Variants in CERK observed in about 807,000 individuals in gnomAD.
CERK encodes the protein ceramide kinase.
In CERK, 39 loss-of-function variants were observed where a neutral mutation model predicts 63.4. That is an observed-to-expected ratio of 0.61 (90% confidence interval 0.48 to 0.80). The LOEUF is 0.80. CERK is among the 30% of genes least tolerant of loss of function. The probability of loss-of-function intolerance (pLI) is 0.00; values close to 1 mark genes in which losing one functional copy is unlikely to be tolerated. For synonymous variants in CERK, 302 were observed against 280.0 expected, an observed-to-expected ratio of 1.08 and a Z score of -0.78; for missense variants, 670 against 714.1, an observed-to-expected ratio of 0.94 and a Z score of 0.70.
intron 3 of CERK, among the ~76,000 whole-genome samples, chr22:46,713,508 C>CAAAAAAAAAA (rs34168827): frequency 8.1e-5 from 6 of 74,226 alleles, no homozygotes; most frequent in South Asian, 6.7e-4. Context: ...GACTTCATCT[C>CAAAAAAAAAA]AAAAAAAAAA....
chr22:46,724,397 C>A (rs1007863706), intron 1 of CERK, among the ~76,000 whole-genome samples: 2 of 152,148 alleles, frequency 1.3e-5, no homozygotes, highest in East Asian at 1.9e-4. Flanking sequence ...CTGTGTGGGG[C>A]TGGGGCGCTA....
intron 6 of CERK, among the ~76,000 whole-genome samples, chr22:46,704,596 G>A (rs1304328752): frequency 6.6e-6 from 1 of 152,154 alleles, no homozygotes; most frequent in African/African-American, 2.4e-5. Flanking sequence ...GGAGGCCGAG[G>A]TGGGCAGATC....
chr22:46,705,925 T>A (rs2082810589), intron 6 of CERK, among the ~76,000 whole-genome samples: 1 of 151,910 alleles, frequency 6.6e-6, no homozygotes. Flanking sequence ...TGGTCCCAGC[T>A]ACTTGGGAGG....
chr22:46,731,375 G>A (rs543822880), intron 1 of CERK, among the ~76,000 whole-genome samples: 28 of 152,334 alleles, frequency 1.8e-4, no homozygotes, highest in Non-Finnish European at 8.8e-5. Flanking sequence ...CCTTAGCAGA[G>A]GCCTGGCGGG....
At chr22:46,690,836 T>A (rs2082726526) in intron 11 of CERK, among the ~76,000 whole-genome samples, 1 of 152,178 alleles carries the variant, frequency 6.6e-6, no homozygotes, top group African/African-American at 2.4e-5. Flanking sequence ...CTTACATCTT[T>A]ACTGTGTCGC....
intron 8 of CERK, among the ~76,000 whole-genome samples, chr22:46,696,293 C>T (rs1275174590): frequency 3.3e-5 from 5 of 152,218 alleles, no homozygotes; most frequent in African/African-American, 4.8e-5. Flanking sequence ...ATGCACTCAG[C>T]GGGCGGGCCC....
intron 6 of CERK, among the ~76,000 whole-genome samples, chr22:46,703,609 G>A (rs903389329): frequency 4.6e-5 from 7 of 152,146 alleles, no homozygotes; most frequent in African/African-American, 7.2e-5. Flanking sequence ...CACTCAAGGC[G>A]ATGCTGCGGA....
chr22:46,712,177 C>T lies in CERK; in HGVS notation c.496G>A (p.Asp166Asn). ...PLFTLASITT[D>N]IIVTEHANQA... ...ACATAGAATTTGTTACCGATGATGT[C>T]AGTGGTGATGGAGGCTAAGGTGAAC... Residue 166 changes from aspartate to asparagine, a missense_variant, in exon 4 of 13, where the codon GAC becomes AAC. Asp to Asn is a conservative substitution (Grantham distance 23). Transcript: ENST00000216264. The T allele has an allele frequency of 6.2e-7, 1 of 1,614,156 alleles. No individual in the cohort carries two copies. The highest frequency in any genetic ancestry group is 8.5e-7 in the Non-Finnish European group (1 of 1,180,010).
At chr22:46,713,608 C>T (rs953971906) in intron 3 of CERK, among the ~76,000 whole-genome samples, 1 of 151,686 alleles carries the variant, frequency 6.6e-6, no homozygotes, top group Non-Finnish European at 1.5e-5. Flanking sequence ...ACAGCCTGAA[C>T]GCCCATCACC....
intron 1 of CERK, among the ~76,000 whole-genome samples, chr22:46,729,416 A>T (rs986957300): frequency 2.0e-5 from 3 of 151,930 alleles, no homozygotes; most frequent in African/African-American, 4.8e-5. Context: ...TTTTTTATTA[A>T]TTTTTTTTAA....
chr22:46,707,067 C>T (rs1321773529), intron 6 of CERK, among the ~76,000 whole-genome samples: 2 of 152,090 alleles, frequency 1.3e-5, no homozygotes, highest in East Asian at 3.9e-4. Context: ...TCGCTCCCAT[C>T]CGGTGACCTG....
At chr22:46,702,646 G>C (rs2082793025) in intron 6 of CERK, among the ~76,000 whole-genome samples, 1 of 152,244 alleles carries the variant, frequency 6.6e-6, no homozygotes, top group Non-Finnish European at 1.5e-5. Context: ...CATTACTTGA[G>C]ATCTTAATAC....
chr22:46,699,483 C>T lies in CERK; in HGVS notation c.791-18G>A, dbSNP rs375716499. The T allele has an allele frequency of 2.2e-4, 352 of 1,612,954 alleles. No individual in the cohort carries two copies. In the African/African-American group the frequency reaches 2.7e-3, roughly 12 times the overall value. On this transcript the variant is annotated intron_variant, in intron 7 of 12. Coordinates refer to ENST00000216264, the MANE Select transcript of CERK (RefSeq NM_022766.6). ...CGAGTCCCCTGTGGGAGAGAACGGC[C>T]GTGAGGGAAGGCAGCCCCCCTCCAG...
In CERK at chr22:46,691,718, T is replaced by C. The variant is rs1458783856; in HGVS notation, c.1186A>G (p.Met396Val). The C allele has an allele frequency of 6.2e-7, 1 of 1,613,696 alleles. No homozygotes were observed. The highest frequency in any genetic ancestry group is 8.5e-7 in the Non-Finnish European group (1 of 1,179,694). Residue 396 changes from methionine (M) to valine (V), a missense_variant, in exon 11 of 13, where the codon ATG (methionine) becomes GTG (valine). Coordinates refer to ENST00000216264, the MANE Select transcript of CERK (RefSeq NM_022766.6). ...GKFLAINATNMSCACRRSPRG... is the reference protein window; with the variant it reads ...GKFLAINATNVSCACRRSPRG... ...GGGCTCCGGCGACAAGCACAGGACA[T>C]GTTTGTGGCATTGATGGCCAGAAAC...
chr22:46,713,424 G>A (rs547307124), intron 3 of CERK, among the ~76,000 whole-genome samples: 5 of 146,460 alleles, frequency 3.4e-5, no homozygotes, highest in Admixed American at 2.9e-4. Flanking sequence ...CAGGAGAATG[G>A]CATGAACCCG....
At chr22:46,721,355 C>T (rs1026148570) in intron 1 of CERK, among the ~76,000 whole-genome samples, 1 of 152,126 alleles carries the variant, frequency 6.6e-6, no homozygotes, top group East Asian at 1.9e-4. Context: ...TGCAGTGGTT[C>T]GATCTCGGCT....
At chr22:46,695,154 C>T (rs758067862) in intron 9 of CERK, 56 bp downstream of exon 9, 53 of 931,366 alleles carry the variant, frequency 5.7e-5, no homozygotes, top group Admixed American at 2.1e-4. Context: ...CCTTCCTAAC[C>T]GTCCTGCTTC....
chr22:46,688,467 G>A (rs1002071897), intron 12 of CERK, among the ~76,000 whole-genome samples: 4 of 152,232 alleles, frequency 2.6e-5, no homozygotes, highest in African/African-American at 7.2e-5. Context: ...TGGGGTGGCC[G>A]GTGTTCCTGG....
At chr22:46,715,480 G>A (rs1243408704) in intron 3 of CERK, among the ~76,000 whole-genome samples, 1 of 152,162 alleles carries the variant, frequency 6.6e-6, no homozygotes, top group African/African-American at 2.4e-5. Flanking sequence ...TAGGGAAAAC[G>A]AGACTTTCCC....
Sources: allele counts gnomAD v4.1 joint callset (sites outside exome capture counted in the v4.1 genomes callset), GRCh38; gene constraint gnomAD v4.1.1; transcripts MANE v1.5; gene names NCBI Gene and HGNC (gene_info 2026-07-23, HGNC 2026-07-21).